Variants in JMJD1C observed in about 807,000 individuals in gnomAD.
JMJD1C encodes the protein jumonji domain-containing protein 1C.
A neutral mutation model predicts 245.3 loss-of-function variants in JMJD1C; 31 were observed. The ratio of observed to expected loss-of-function variants is 0.13; its 90% CI spans 0.09 to 0.17. The LOEUF (loss-of-function observed/expected upper bound fraction) is 0.17. JMJD1C is among the 10% of genes least tolerant of loss of function. JMJD1C has a pLI of 1.00. For synonymous variants in JMJD1C, 1,057 were observed against 1,017.4 expected (o/e 1.04, Z -0.74); for missense variants, 2,691 against 3,000.2 (o/e 0.90, Z 2.41).
intron 22 of JMJD1C, among the ~76,000 whole-genome samples, chr10:63,180,751 C>G (rs1297908311): frequency 1.3e-5 from 2 of 149,408 alleles, no homozygotes; most frequent in African/African-American, 4.9e-5. Context: ...TACAGGCATA[C>G]ACCACCATGC....
At chr10:63,501,191 T>C (rs1304574549) in intron 1 of JMJD1C, among the ~76,000 whole-genome samples, 1 of 152,188 alleles carries the variant, frequency 6.6e-6, no homozygotes, top group Non-Finnish European at 1.5e-5. Context: ...CAGCTCATTT[T>C]AGTGCCATTT....
Position 63,465,742 on chromosome 10 carries a change from CTGAGGAG to C in JMJD1C, c.-87_-81del. ...ACCTCACTCCTACCGGCCGCTCATGCTGAGGAGAGCGGACCGGGACACAGCAGCGGAC... is the reference window on the plus strand; with the variant it reads ...ACCTCACTCCTACCGGCCGCTCATGCAGCGGACCGGGACACAGCAGCGGAC... On this transcript the variant is annotated 5_prime_UTR_variant, in exon 1 of 26. Transcript: ENST00000399262. 3 of 1,512,090 alleles carry C rather than the reference CTGAGGAG, an allele frequency of 2.0e-6. No individual in the cohort carries two copies. Among genetic ancestry groups the C allele is most frequent in the Non-Finnish European group, 2.7e-6 (3 of 1,106,380 alleles). 93.7% of individuals were successfully genotyped at this position (1,512,090 alleles called of 1,614,324 possible). A position where few individuals can be genotyped will look rare whatever the true frequency, so the allele number is the denominator to read the frequency against.
At chr10:63,217,442 C>G in intron 4 of JMJD1C, 111 bp from the exon 5 acceptor site, 1 of 815,862 alleles carries the variant, frequency 1.2e-6, no homozygotes, top group Non-Finnish European at 1.8e-6. Flanking sequence ...ATCCAACTAT[C>G]AGTTTTCAAA....
intron 1 of JMJD1C, among the ~76,000 whole-genome samples, chr10:63,517,887 G>C (rs1201207005): frequency 6.7e-6 from 1 of 150,354 alleles, no homozygotes; most frequent in African/African-American, 2.5e-5. Context: ...CCGCCTCCCA[G>C]GTTCAGGTGA....
intron 3 of JMJD1C, among the ~76,000 whole-genome samples, chr10:63,225,194 G>T (rs56708191): frequency 0.022 from 3,272 of 152,022 alleles, 116 homozygotes; most frequent in African/African-American, 0.073. Context: ...TCAAAAACAA[G>T]TCACCTAAGC....
At chr10:63,447,807 C>T (rs1245935072) in intron 1 of JMJD1C, among the ~76,000 whole-genome samples, 3 of 151,892 alleles carry the variant, frequency 2.0e-5, no homozygotes, top group Non-Finnish European at 4.4e-5. Flanking sequence ...GGTATGGTGG[C>T]ACACACCTGT....
intron 2 of JMJD1C, among the ~76,000 whole-genome samples, chr10:63,295,803 T>G (rs1476602799): frequency 1.3e-5 from 2 of 151,802 alleles, no homozygotes; most frequent in Non-Finnish European, 2.9e-5. Context: ...TAGGCTCCAA[T>G]GAGCCCCTTG....
In JMJD1C at chr10:63,179,995, TTTC is replaced by T. The variant is rs562255038; in HGVS notation, c.7085-2142_7085-2140del. On this transcript the variant is annotated intron_variant, in intron 22 of 25. Coordinates refer to ENST00000399262, the MANE Select transcript of JMJD1C (RefSeq NM_032776.3). ...TCAAACTTAGCTGCAAACATATTTTTTTCTTTTTTTCTTTTATTTTTCGAGACA... is the reference window on the plus strand; with the variant it reads ...TCAAACTTAGCTGCAAACATATTTTTTTTTTTTCTTTTATTTTTCGAGACA... Among the ~76,000 whole-genome samples, 719 of 152,290 alleles carry T rather than the reference TTTC, an allele frequency of 4.7e-3. 2 individuals carry two copies. Among genetic ancestry groups the T allele is most frequent in the Admixed American group, 5.5e-3 (84 of 15,294 alleles).
chr10:63,187,934 G>C (rs1844323982), intron 18 of JMJD1C, among the ~76,000 whole-genome samples: 1 of 151,982 alleles, frequency 6.6e-6, no homozygotes, highest in African/African-American at 2.4e-5. Context: ...CATTCCTCTA[G>C]CCATCTCCTT....
At chr10:63,199,639 T>C (rs946919029) in intron 11 of JMJD1C, among the ~76,000 whole-genome samples, 9 of 152,158 alleles carry the variant, frequency 5.9e-5, no homozygotes, top group African/African-American at 2.2e-4. Flanking sequence ...TGATTCCTTT[T>C]TTCATCTCTT....
chr10:63,436,791 T>C (rs1369405807), intron 1 of JMJD1C, among the ~76,000 whole-genome samples: 2 of 152,182 alleles, frequency 1.3e-5, no homozygotes, highest in Non-Finnish European at 2.9e-5. Context: ...TATAAACCTA[T>C]GGATTATCCT....
chr10:63,259,068 A>T (rs1854354878), intron 3 of JMJD1C, among the ~76,000 whole-genome samples: 1 of 152,218 alleles, frequency 6.6e-6, no homozygotes, highest in Non-Finnish European at 1.5e-5. Context: ...AGCTGAAGTG[A>T]AGGTAAAGTT....
At chr10:63,415,652 T>G (rs571139832) in intron 1 of JMJD1C, among the ~76,000 whole-genome samples, 1 of 152,286 alleles carries the variant, frequency 6.6e-6, no homozygotes, top group South Asian at 2.1e-4. Context: ...AAGAACTAAT[T>G]CAGTATATAA....
chr10:63,448,322 C>A (rs1951830094), intron 1 of JMJD1C, among the ~76,000 whole-genome samples: 1 of 151,906 alleles, frequency 6.6e-6, no homozygotes, highest in Admixed American at 6.6e-5. Context: ...ATGCCCAGCT[C>A]ATTTTTGTAT....
In JMJD1C at chr10:63,214,744, A is replaced by G; in HGVS notation, c.1423T>C (p.Ser475Pro). ...SEQSTVSDHN[S>P]NDLLPQECNM... ...CATTCCTGAGGAAGTAAATCATTAG[A>G]ATTATGATCAGAAACTGTGGACTGT... The change falls in exon 8 of 26, where the codon TCT becomes CCT. Residue 475 changes from serine to proline, a missense_variant. Transcript: ENST00000399262. 6.2e-7 allele frequency: 1 copy of G among 1,613,858 alleles called. No homozygotes were observed. The highest frequency in any genetic ancestry group is 2.2e-5 in the East Asian group (1 of 44,866).
chr10:63,198,759 C>T, intron 11 of JMJD1C, 32 bp from the exon 12 acceptor site: 1 of 1,284,926 alleles, frequency 7.8e-7, no homozygotes, highest in Non-Finnish European at 1.1e-6. Context: ...GTATTAGGTA[C>T]CCACATATTA....
intron 1 of JMJD1C, among the ~76,000 whole-genome samples, chr10:63,404,994 A>G (rs1949083968): frequency 6.6e-6 from 1 of 152,210 alleles, no homozygotes; most frequent in Non-Finnish European, 1.5e-5. Flanking sequence ...AACATGATAC[A>G]ATTAGTTCTT....
chr10:63,431,654 T>G (rs1950754573), intron 1 of JMJD1C, among the ~76,000 whole-genome samples: 1 of 152,232 alleles, frequency 6.6e-6, no homozygotes, highest in Non-Finnish European at 1.5e-5. Flanking sequence ...GCTCCTTGAC[T>G]AGGGGCAAAC....
intron 1 of JMJD1C, among the ~76,000 whole-genome samples, chr10:63,464,460 G>C (rs1468891245): frequency 6.6e-6 from 1 of 152,080 alleles, no homozygotes; most frequent in African/African-American, 2.4e-5. Context: ...TCCTAAATTT[G>C]AAGTTTTCAT....
Sources: gnomAD v4.1 joint callset for allele counts (sites outside exome capture counted in the v4.1 genomes callset) on GRCh38, gnomAD v4.1.1 for gene constraint, MANE v1.5 for transcripts, NCBI Gene and HGNC (gene_info 2026-07-23, HGNC 2026-07-21) for gene names.